The following ABAT variants were observed in gnomAD, a reference collection of about 807,000 sequenced individuals.
ABAT encodes 4-aminobutyrate aminotransferase, mitochondrial.
A neutral mutation model predicts 64.6 loss-of-function variants in ABAT; 45 were observed. The ratio of observed to expected loss-of-function variants is 0.70; its 90% CI spans 0.55 to 0.89. The LOEUF is 0.89. Ranked by LOEUF, ABAT falls within the 40% of genes least tolerant of loss-of-function variation. The probability of loss-of-function intolerance (pLI) is 0.00; values close to 1 mark genes in which losing one functional copy is unlikely to be tolerated. For missense variants in ABAT, 633 were observed against 658.4 expected, an observed-to-expected ratio of 0.96 and a Z score of 0.42; for synonymous variants, 297 against 250.5, an observed-to-expected ratio of 1.19 and a Z score of -1.75.
intron 1 of ABAT, among the ~76,000 whole-genome samples, chr16:8,689,893 G>C (rs544769007): frequency 2.7e-4 from 41 of 152,304 alleles, no homozygotes; most frequent in African/African-American, 9.6e-4. Flanking sequence ...AATGGTGATA[G>C]GGACCAGACC....
intron 1 of ABAT, among the ~76,000 whole-genome samples, chr16:8,685,960 C>G (rs2057445847): frequency 1.3e-5 from 2 of 152,194 alleles, no homozygotes; most frequent in Admixed American, 6.5e-5. Context: ...GACACCTTCT[C>G]CCACTAGCCT....
chr16:8,745,156 T>G (rs1304990557), intron 2 of ABAT, among the ~76,000 whole-genome samples: 9 of 152,000 alleles, frequency 5.9e-5, no homozygotes, highest in Non-Finnish European at 1.2e-4. Flanking sequence ...CTAATTTTTG[T>G]TTTGTGGTAG....
At chr16:8,707,974 C>G (rs1439271691) in intron 1 of ABAT, among the ~76,000 whole-genome samples, 1 of 152,166 alleles carries the variant, frequency 6.6e-6, no homozygotes, top group Non-Finnish European at 1.5e-5. Flanking sequence ...CTCTCTAGTA[C>G]TTGCATGTCA....
chr16:8,717,383 T>A (rs899587482), intron 1 of ABAT, among the ~76,000 whole-genome samples: 2 of 152,202 alleles, frequency 1.3e-5, no homozygotes, highest in Non-Finnish European at 2.9e-5. Context: ...AAAATTGGTT[T>A]CAGCTGTTTT....
intron 1 of ABAT, among the ~76,000 whole-genome samples, chr16:8,723,538 C>T (rs148916833): frequency 2.0e-5 from 3 of 152,214 alleles, no homozygotes; most frequent in African/African-American, 4.8e-5. Flanking sequence ...GGATCTCAGA[C>T]CATAGGGCTC....
At chr16:8,752,794 T>C (rs1228280587) in intron 5 of ABAT, among the ~76,000 whole-genome samples, 1 of 152,206 alleles carries the variant, frequency 6.6e-6, no homozygotes. Context: ...AGAAAAATTC[T>C]AGAAGTTCTA....
At chr16:8,722,828 T>A (rs1319067240) in intron 1 of ABAT, 1 of 1,289,042 alleles carries the variant, frequency 7.8e-7, no homozygotes, top group African/African-American at 1.5e-5. Context: ...AGGGATATAC[T>A]AATGCAACTT....
At chr16:8,700,362 C>T (rs2057793337) in intron 1 of ABAT, among the ~76,000 whole-genome samples, 1 of 152,170 alleles carries the variant, frequency 6.6e-6, no homozygotes, top group Admixed American at 6.5e-5. Context: ...ACTAAACTTA[C>T]ATACGCGGCT....
At chr16:8,728,313 G>T (rs567695479) in intron 1 of ABAT, among the ~76,000 whole-genome samples, 1 of 152,206 alleles carries the variant, frequency 6.6e-6, no homozygotes, top group Non-Finnish European at 1.5e-5. Flanking sequence ...ATTTTCCAAT[G>T]TGACATTTTG....
At chr16:8,772,726 G>T in intron 11 of ABAT, 54 bp from the exon 12 acceptor site, 1 of 1,613,162 alleles carries the variant, frequency 6.2e-7, no homozygotes, top group South Asian at 1.1e-5. Context: ...CCCACCCACG[G>T]ATACTGGTCA....
chr16:8,783,330 T>C lies in ABAT; in HGVS notation c.*1900T>C, dbSNP rs2060481629. The C allele has an allele frequency of 6.6e-6, 1 of 151,982 alleles. No individual in the cohort carries two copies. The highest frequency in any genetic ancestry group is 2.4e-5 in the African/African-American group (1 of 41,356). 9.4% of individuals were successfully genotyped at this position (151,982 alleles called of 1,614,324 possible). A position where few individuals can be genotyped will look rare whatever the true frequency, so the allele number is the denominator to read the frequency against. ...CATGCCACTGGAAACAACAGACTCT[T>C]AAACTAACAATTCAAGCAGGCGCCA... On this transcript the variant is annotated 3_prime_UTR_variant, in exon 16 of 16. Transcript: ENST00000268251.
Position 8,735,814 on chromosome 16 carries a change from G to GC in ABAT, c.70+9dup. ...GCTACCGCCTGCTGGTGCCTGGTAA[G>GC]CCCCGGGGGTCTTGATAAGAACTGG... On this transcript the variant is annotated splice_donor_region_variant and intron_variant, in intron 2 of 15. Transcript: ENST00000268251. 1 of 1,599,190 alleles carries GC rather than the reference G, an allele frequency of 6.3e-7. No homozygotes were observed. The highest frequency in any genetic ancestry group is 8.5e-7 in the Non-Finnish European group (1 of 1,173,028).
intron 1 of ABAT, among the ~76,000 whole-genome samples, chr16:8,703,279 AC>A (rs1242685605): frequency 6.6e-6 from 1 of 151,374 alleles, no homozygotes; most frequent in African/African-American, 2.4e-5. Context: ...ACATGGCGAA[AC>A]CCCGTCTCTA....
chr16:8,741,245 T>G (rs568835916), intron 2 of ABAT, among the ~76,000 whole-genome samples: 1 of 152,340 alleles, frequency 6.6e-6, no homozygotes, highest in African/African-American at 2.4e-5. Context: ...TTCAAACCGG[T>G]TTTTTGCATC....
Position 8,776,232 on chromosome 16 carries a change from C to T in ABAT, c.1123-112C>T, listed in dbSNP as rs540054808. ...CCCCTGCCAGCCTCTGGTAGATGCCCACTAGATTAGTTTCTCTCCTCTTCA... is the reference window on the plus strand; with the variant it reads ...CCCCTGCCAGCCTCTGGTAGATGCCTACTAGATTAGTTTCTCTCCTCTTCA... On this transcript the variant is annotated intron_variant, in intron 13 of 15. Coordinates refer to ENST00000268251, the MANE Select transcript of ABAT (RefSeq NM_020686.6). The surrounding 1 kb of genome is among the most constrained non-coding windows in gnomAD (Gnocchi z 4.4). The T allele has an allele frequency of 1.3e-5, 19 of 1,438,888 alleles. No individual in the cohort carries two copies. The African/African-American group carries it at 1.7e-4, about 13-fold the overall frequency. 89.1% of individuals were successfully genotyped at this position (1,438,888 alleles called of 1,614,324 possible). A position where few individuals can be genotyped will look rare whatever the true frequency, so the allele number is the denominator to read the frequency against.
intron 6 of ABAT, among the ~76,000 whole-genome samples, chr16:8,761,997 CCTT>C (rs71152933): frequency 0.6 from 90,095 of 149,052 alleles, 31,300 homozygotes; most frequent in East Asian, 0.81. Flanking sequence ...TTCTCCTTCT[CCTT>C]CTTCTCCTTC....
intron 2 of ABAT, among the ~76,000 whole-genome samples, chr16:8,741,283 TAGG>T (rs1367937916): frequency 1.3e-5 from 2 of 152,236 alleles, no homozygotes; most frequent in Non-Finnish European, 2.9e-5. Context: ...AATTTGCCTT[TAGG>T]AGAAGTGTGT....
At chr16:8,696,066 C>T (rs78130860) in intron 1 of ABAT, among the ~76,000 whole-genome samples, 3,658 of 152,282 alleles carry the variant, frequency 0.024, 145 homozygotes, top group African/African-American at 0.083. Flanking sequence ...AGCCAAAATC[C>T]GCCTTCGATT....
At chr16:8,742,165 A>G (rs2059181228) in intron 2 of ABAT, among the ~76,000 whole-genome samples, 1 of 151,590 alleles carries the variant, frequency 6.6e-6, no homozygotes, top group Non-Finnish European at 1.5e-5. Context: ...TTTCTTCACC[A>G]CCTCTCCCAG....
Sources: allele counts gnomAD v4.1 joint callset (sites outside exome capture counted in the v4.1 genomes callset), GRCh38; gene constraint gnomAD v4.1.1; non-coding constraint Gnocchi (gnomAD v3.1); transcripts MANE v1.5; gene names NCBI Gene and HGNC (gene_info 2026-07-23, HGNC 2026-07-21).